Variants in DCDC1 observed in about 807,000 individuals in gnomAD.
The protein encoded by DCDC1 is doublecortin domain-containing protein 1.
In DCDC1, 200 loss-of-function variants were observed where a neutral mutation model predicts 178.3. The observed-to-expected ratio is 1.12, with a 90% CI of 1.00 to 1.26. The LOEUF is 1.26. Ranked by LOEUF, DCDC1 falls within the 50% of genes most tolerant of loss-of-function variation. The pLI, the probability that DCDC1 is intolerant of heterozygous loss-of-function variation, is 0.00. For missense variants in DCDC1, 1,983 were observed against 1,749.2 expected, an observed-to-expected ratio of 1.13 and a Z score of -2.38; for synonymous variants, 690 against 604.8, an observed-to-expected ratio of 1.14 and a Z score of -2.07.
chr11:30,938,867 T>C (rs1453932161), intron 21 of DCDC1, among the ~76,000 whole-genome samples: 1 of 152,120 alleles, frequency 6.6e-6, no homozygotes, highest in Non-Finnish European at 1.5e-5. Flanking sequence ...GCTCCCTCCT[T>C]CCTTTGTTCC....
intron 6 of DCDC1, among the ~76,000 whole-genome samples, chr11:31,294,271 G>C (rs1453910579): frequency 6.6e-6 from 1 of 151,836 alleles, no homozygotes; most frequent in Non-Finnish European, 1.5e-5. Flanking sequence ...ATGAGGATAG[G>C]CCTGGCATGT....
At chr11:30,962,947 C>T (rs79879817) in intron 20 of DCDC1, among the ~76,000 whole-genome samples, 2 of 152,074 alleles carry the variant, frequency 1.3e-5, no homozygotes, top group Non-Finnish European at 2.9e-5. Context: ...AAAACCATCC[C>T]TTCTTCAACA....
At chr11:31,346,226 C>A (rs1950803180) in intron 1 of DCDC1, among the ~76,000 whole-genome samples, 1 of 151,850 alleles carries the variant, frequency 6.6e-6, no homozygotes, top group African/African-American at 2.4e-5. Context: ...ACTCAAGAAT[C>A]ATAGGAGGGT....
intron 11 of DCDC1, among the ~76,000 whole-genome samples, chr11:31,112,785 C>A (rs1380029919): frequency 6.6e-6 from 1 of 152,126 alleles, no homozygotes; most frequent in Non-Finnish European, 1.5e-5. Context: ...ATTGACTTTT[C>A]TTAAGCTAAA....
chr11:30,909,190 T>C (rs550772692), intron 28 of DCDC1, 74 bp from the exon 29 acceptor site: 14 of 1,338,322 alleles, frequency 1.0e-5, no homozygotes, highest in Non-Finnish European at 1.4e-5. Context: ...TCATTGCATA[T>C]ATCCAGAAAG....
chr11:31,083,574 G>C (rs1254071245), intron 17 of DCDC1, among the ~76,000 whole-genome samples: 2 of 152,114 alleles, frequency 1.3e-5, no homozygotes, highest in African/African-American at 2.4e-5. Context: ...CCTTCCTGAT[G>C]GGTGTCATGA....
intron 20 of DCDC1, among the ~76,000 whole-genome samples, chr11:31,034,238 G>A (rs1216917134): frequency 6.6e-6 from 1 of 151,662 alleles, no homozygotes; most frequent in East Asian, 1.9e-4. Context: ...ATGTGTTTGT[G>A]TTTTAAACTG....
chr11:31,065,754 G>C (rs1349968146), intron 18 of DCDC1, among the ~76,000 whole-genome samples: 1 of 152,108 alleles, frequency 6.6e-6, no homozygotes, highest in Non-Finnish European at 1.5e-5. Flanking sequence ...AAGCACATGA[G>C]GCACACGAAA....
intron 9 of DCDC1, among the ~76,000 whole-genome samples, chr11:31,160,659 G>C (rs574597462): frequency 1.3e-5 from 2 of 152,284 alleles, no homozygotes; most frequent in East Asian, 3.9e-4. Context: ...GTTAGTACCT[G>C]ATTCCACCAG....
At chr11:31,178,312 T>C (rs1336372197) in intron 9 of DCDC1, among the ~76,000 whole-genome samples, 1 of 152,290 alleles carries the variant, frequency 6.6e-6, no homozygotes, top group East Asian at 1.9e-4. Flanking sequence ...TGTCAATAAA[T>C]GGTGCTAAGC....
At chr11:30,911,549 G>T (rs758114503) in intron 27 of DCDC1, 129 bp from the exon 28 acceptor site, 4 of 718,338 alleles carry the variant, frequency 5.6e-6, no homozygotes, top group Non-Finnish European at 9.7e-6. Context: ...AATCCTTTAA[G>T]AATTTCTCCC....
At chr11:31,027,581 T>C (rs141841742) in intron 20 of DCDC1, among the ~76,000 whole-genome samples, 244 of 151,930 alleles carry the variant, frequency 1.6e-3, no homozygotes, top group Non-Finnish European at 2.0e-3. Flanking sequence ...AGAATATAAA[T>C]AGGGTTGAAT....
chr11:31,149,572 C>T (rs1046142036), intron 9 of DCDC1, among the ~76,000 whole-genome samples: 3 of 152,094 alleles, frequency 2.0e-5, no homozygotes, highest in Non-Finnish European at 2.9e-5. Context: ...TTCTTTTGCT[C>T]TTCACAATTA....
At chr11:31,078,202 A>G (rs1362829658) in intron 17 of DCDC1, among the ~76,000 whole-genome samples, 1 of 148,750 alleles carries the variant, frequency 6.7e-6, no homozygotes, top group Non-Finnish European at 1.5e-5. Context: ...AACAAATACA[A>G]TCAATAAGAA....
At chr11:31,295,656 AG>A (rs1484653343) in intron 6 of DCDC1, among the ~76,000 whole-genome samples, 2 of 152,156 alleles carry the variant, frequency 1.3e-5, no homozygotes, top group Non-Finnish European at 2.9e-5. Context: ...GTAGATTTCC[AG>A]TGAACACATG....
At chr11:31,128,511 T>C (rs1231757547) in intron 10 of DCDC1, among the ~76,000 whole-genome samples, 1 of 152,142 alleles carries the variant, frequency 6.6e-6, no homozygotes, top group Non-Finnish European at 1.5e-5. Context: ...ACATAAACAC[T>C]GGTTGATATT....
intron 1 of DCDC1, among the ~76,000 whole-genome samples, chr11:31,337,324 T>C (rs1007439751): frequency 1.3e-5 from 2 of 152,216 alleles, no homozygotes; most frequent in African/African-American, 4.8e-5. Flanking sequence ...CAGTGATTGC[T>C]ACATAAGATG....
Position 31,144,100 on chromosome 11 carries a change from C to T in DCDC1, c.1222-6316G>A, listed in dbSNP as rs147139096. ...AAAAAAGGGAATTCTCCAAAACTTA[C>T]TTAGCACTTAAAGAAACTTACTTAT... On this transcript the variant is annotated intron_variant, in intron 9 of 38. Transcript: ENST00000684477. Among the ~76,000 whole-genome samples, 333 of 152,232 alleles carry T rather than the reference C, an allele frequency of 2.2e-3. 2 individuals are homozygous for T. Among genetic ancestry groups the T allele is most frequent in the Middle Eastern group, 0.01 (3 of 294 alleles).
chr11:31,229,283 AAAGAT>A (rs1275911614), intron 9 of DCDC1, among the ~76,000 whole-genome samples: 1 of 152,248 alleles, frequency 6.6e-6, no homozygotes, highest in East Asian at 1.9e-4. Flanking sequence ...AAAATCAGAC[AAAGAT>A]ATTAAAAGAA....
Sources: allele counts gnomAD v4.1 joint callset (sites outside exome capture counted in the v4.1 genomes callset), GRCh38; gene constraint gnomAD v4.1.1; transcripts MANE v1.5; gene names NCBI Gene and HGNC (gene_info 2026-07-23, HGNC 2026-07-21).